The following GALNTL6 variants were observed in gnomAD, a reference collection of about 807,000 sequenced individuals.
The protein encoded by GALNTL6 is polypeptide N-acetylgalactosaminyltransferase like 6.
In GALNTL6, 46 loss-of-function variants were observed where a neutral mutation model predicts 73.7. That is an observed-to-expected ratio of 0.62 (90% CI 0.49 to 0.80). The LOEUF is 0.80. Among genes scored for constraint, GALNTL6 ranks in the 30% least tolerant of loss-of-function variants. The pLI, the probability that GALNTL6 is intolerant of heterozygous loss-of-function variation, is 0.00. For synonymous variants in GALNTL6, 259 were observed against 263.7 expected, an observed-to-expected ratio of 0.98 and a Z score of 0.17; for missense variants, 604 against 755.0, an observed-to-expected ratio of 0.80 and a Z score of 2.34.
Position 172,110,690 on chromosome 4 carries a change from G to A in GALNTL6, c.139-118966G>A, listed in dbSNP as rs538238613. Among the ~76,000 whole-genome samples the A allele has an allele frequency of 5.9e-5, 9 of 152,186 alleles. No individual in the cohort carries two copies. In the South Asian group the frequency reaches 8.3e-4, roughly 14 times the overall value. On this transcript the variant is annotated intron_variant, in intron 2 of 12. Transcript: ENST00000506823. Reference sequence around the variant, plus strand: ...ACTATTAATAAATGCTTTCTATGCCGAATTCCATATGATCAAAGGAATCAG... The same window carrying A: ...ACTATTAATAAATGCTTTCTATGCCAAATTCCATATGATCAAAGGAATCAG...
intron 10 of GALNTL6, among the ~76,000 whole-genome samples, chr4:172,978,078 G>A (rs1750908019): frequency 6.6e-6 from 1 of 152,144 alleles, no homozygotes; most frequent in Non-Finnish European, 1.5e-5. Flanking sequence ...CTGACCTCAG[G>A]TGTTCCGTCC....
chr4:171,941,809 G>A (rs1738553479), intron 2 of GALNTL6, among the ~76,000 whole-genome samples: 1 of 152,150 alleles, frequency 6.6e-6, no homozygotes, highest in African/African-American at 2.4e-5. Flanking sequence ...AATTCACAAA[G>A]AGGTATATGG....
At chr4:172,477,708 T>G (rs1247122436) in intron 5 of GALNTL6, among the ~76,000 whole-genome samples, 1 of 152,110 alleles carries the variant, frequency 6.6e-6, no homozygotes, top group Non-Finnish European at 1.5e-5. Context: ...AACAGGAGAG[T>G]AAACAATTAC....
chr4:172,931,296 G>C (rs202176280), intron 9 of GALNTL6, 28 bp downstream of exon 9: 1 of 1,318,896 alleles, frequency 7.6e-7, no homozygotes, highest in Admixed American at 1.7e-5. Flanking sequence ...AGAACAGACT[G>C]GGGTTGATAT....
chr4:172,758,883 G>A (rs538297972), intron 5 of GALNTL6, among the ~76,000 whole-genome samples: 1 of 152,170 alleles, frequency 6.6e-6, no homozygotes, highest in African/African-American at 2.4e-5. Context: ...CATCCACTGG[G>A]ATCTTGGAAT....
chr4:172,401,481 A>G (rs974213587), intron 5 of GALNTL6, among the ~76,000 whole-genome samples: 2 of 152,152 alleles, frequency 1.3e-5, no homozygotes, highest in African/African-American at 4.8e-5. Context: ...ATCTTATTTT[A>G]ACCTTCTAAA....
At chr4:171,923,066 T>C (rs1358641888) in intron 2 of GALNTL6, among the ~76,000 whole-genome samples, 3 of 152,072 alleles carry the variant, frequency 2.0e-5, no homozygotes, top group Admixed American at 1.3e-4. Context: ...ATATAAATAA[T>C]ATTTATATAG....
intron 2 of GALNTL6, among the ~76,000 whole-genome samples, chr4:172,206,780 TTGTTTTGTTTTG>T (rs1560969155): frequency 2.5e-5 from 2 of 79,042 alleles, no homozygotes; most frequent in Non-Finnish European, 5.8e-5. Flanking sequence ...AACGTGTTTT[TTGTTTTGTTTTG>T]TTTTGTTTTT....
chr4:172,495,800 C>T (rs1202081682), intron 5 of GALNTL6, among the ~76,000 whole-genome samples: 1 of 152,084 alleles, frequency 6.6e-6, no homozygotes, highest in East Asian at 1.9e-4. Context: ...TAAGGTTGCT[C>T]ATCTGCAAAC....
intron 3 of GALNTL6, among the ~76,000 whole-genome samples, chr4:172,274,195 A>T (rs1738754392): frequency 6.6e-6 from 1 of 152,200 alleles, no homozygotes; most frequent in Non-Finnish European, 1.5e-5. Flanking sequence ...AATGTAAAAA[A>T]AGAGACAAAG....
At chr4:171,919,832 C>T (rs777195822) in intron 2 of GALNTL6, among the ~76,000 whole-genome samples, 3 of 152,018 alleles carry the variant, frequency 2.0e-5, no homozygotes, top group African/African-American at 2.4e-5. Context: ...GTTCAACCAT[C>T]GTGGAAGTCA....
chr4:172,503,508 G>C lies in GALNTL6; in HGVS notation c.553+154819G>C, dbSNP rs993992965. Among the ~76,000 whole-genome samples the C allele has an allele frequency of 4.8e-5, 5 of 105,238 alleles. 1 individual carries two copies. The Middle Eastern group carries it at 0.023, about 489-fold the overall frequency. The allele number at this position is 105,238 out of a possible 152,430, so 69.0% of individuals were successfully genotyped here. A position where few individuals can be genotyped will look rare whatever the true frequency, so the allele number is the denominator to read the frequency against. On this transcript the variant is annotated intron_variant, in intron 5 of 12. Transcript: ENST00000506823. ...TGCTTAAACTATATATATCTAGTTT[G>C]AACATGTACATAGAGTAGTATATAT...
chr4:171,873,952 T>C (rs1183162585), intron 2 of GALNTL6, among the ~76,000 whole-genome samples: 1 of 152,288 alleles, frequency 6.6e-6, no homozygotes, highest in Non-Finnish European at 1.5e-5. Flanking sequence ...AATTAACATA[T>C]GATCAGGAAG....
At chr4:172,971,366 A>G (rs545046304) in intron 10 of GALNTL6, among the ~76,000 whole-genome samples, 1 of 152,378 alleles carries the variant, frequency 6.6e-6, no homozygotes, top group South Asian at 2.1e-4. Context: ...TATTTTTACC[A>G]AAAGCCTTTC....
chr4:172,263,551 C>G (rs943323945), intron 3 of GALNTL6, among the ~76,000 whole-genome samples: 2 of 151,080 alleles, frequency 1.3e-5, no homozygotes, highest in African/African-American at 4.8e-5. Context: ...TTGGCTTTCA[C>G]CTTTTTATGA....
At chr4:172,192,213 A>C (rs898857746) in intron 2 of GALNTL6, among the ~76,000 whole-genome samples, 4 of 152,158 alleles carry the variant, frequency 2.6e-5, no homozygotes, top group Non-Finnish European at 5.9e-5. Flanking sequence ...CCTCTGAGTT[A>C]TCATAACTTC....
intron 5 of GALNTL6, among the ~76,000 whole-genome samples, chr4:172,567,208 C>T (rs1397677583): frequency 6.6e-6 from 1 of 151,644 alleles, no homozygotes; most frequent in Non-Finnish European, 1.5e-5. Flanking sequence ...GCTCAAATAT[C>T]TTTCTATATA....
chr4:172,717,451 T>C (rs1042902688), intron 5 of GALNTL6, among the ~76,000 whole-genome samples: 29 of 152,280 alleles, frequency 1.9e-4, no homozygotes, highest in African/African-American at 5.8e-4. Flanking sequence ...ATAGCATATA[T>C]TGGTGAAAAT....
At chr4:172,155,045 T>C (rs1002492341) in intron 2 of GALNTL6, among the ~76,000 whole-genome samples, 43 of 151,974 alleles carry the variant, frequency 2.8e-4, no homozygotes, top group African/African-American at 1.0e-3. Context: ...TTGTCCAGGC[T>C]GGAGTGCAGT....
Sources: allele counts gnomAD v4.1 joint callset (sites outside exome capture counted in the v4.1 genomes callset), GRCh38; gene constraint gnomAD v4.1.1; transcripts MANE v1.5; gene names NCBI Gene and HGNC (gene_info 2026-07-23, HGNC 2026-07-21).